Variants in PPEF2 observed in about 807,000 individuals in gnomAD.
The protein encoded by PPEF2 is serine/threonine-protein phosphatase with EF-hands 2.
A neutral mutation model predicts 84.7 loss-of-function variants in PPEF2; 84 were observed. The ratio of observed to expected loss-of-function variants is 0.99; its 90% CI spans 0.83 to 1.19. The LOEUF is 1.19. Ranked by LOEUF, PPEF2 falls within the 50% of genes most tolerant of loss-of-function variation. The pLI is 0.00. For synonymous variants in PPEF2, 346 were observed against 345.2 expected, an observed-to-expected ratio of 1.00 and a Z score of -0.03; for missense variants, 924 against 937.5, an observed-to-expected ratio of 0.99 and a Z score of 0.19.
At chr4:75,886,466 C>G (rs1048181833) in intron 7 of PPEF2, among the ~76,000 whole-genome samples, 2 of 152,316 alleles carry the variant, frequency 1.3e-5, no homozygotes, top group Admixed American at 6.5e-5. Flanking sequence ...TGACCTGCTT[C>G]TGGGTCAGGA....
At chr4:75,884,273 C>T (rs1391560899) in intron 8 of PPEF2, among the ~76,000 whole-genome samples, 2 of 151,338 alleles carry the variant, frequency 1.3e-5, no homozygotes, top group Non-Finnish European at 2.9e-5. Context: ...TCTAATAATA[C>T]AAAAATTAGC....
chr4:75,877,420 AAAGGAAGGAAAGAAGGG>A (rs1369095471), intron 10 of PPEF2, among the ~76,000 whole-genome samples: 1 of 151,728 alleles, frequency 6.6e-6, no homozygotes, highest in African/African-American at 2.4e-5. Context: ...AAAGAGAGAG[AAAGGAAGGAAAGAAGGG>A]AAGGAAGGAA....
At chr4:75,869,925 T>C (rs1219857074) in intron 13 of PPEF2, among the ~76,000 whole-genome samples, 1 of 152,218 alleles carries the variant, frequency 6.6e-6, no homozygotes, top group East Asian at 1.9e-4. Context: ...TCATCAATTA[T>C]GGCTGCTCAG....
chr4:75,882,692 T>G (rs1724608309), intron 10 of PPEF2: 1 of 412,558 alleles, frequency 2.4e-6, no homozygotes, highest in Non-Finnish European at 4.3e-6. Flanking sequence ...AGAGACAAAG[T>G]TTTGCTATGT....
In PPEF2 at chr4:75,876,398, C is replaced by G. The variant is rs370312706; in HGVS notation, c.1209G>C (p.Gln403His). The change falls in exon 11 of 17, where the codon CAG becomes CAC. Residue 403 changes from glutamine (Q) to histidine (H), a missense_variant. Transcript: ENST00000286719. ...SVELELERCR[Q>H]QAGLLVTGEK... ...CTCCGGTCACCAGGAGGCCTGCTTG[C>G]TGCCGGCACCGCTCTAGCTCCAGTT... 3.7e-5 allele frequency: 60 copies of G among 1,614,056 alleles called. No individual in the cohort carries two copies. In the African/African-American group the frequency reaches 6.8e-4, roughly 18 times the overall value.
intron 16 of PPEF2, among the ~76,000 whole-genome samples, chr4:75,861,766 C>T (rs1375617270): frequency 5.7e-5 from 8 of 139,636 alleles, no homozygotes; most frequent in African/African-American, 2.0e-4. Context: ...CCCGCCACCA[C>T]TCCCGGCTAA....
chr4:75,874,037 G>A (rs1021234551), intron 11 of PPEF2, among the ~76,000 whole-genome samples: 34 of 151,970 alleles, frequency 2.2e-4, no homozygotes, highest in Non-Finnish European at 1.2e-4. Flanking sequence ...TAACCCGGAA[G>A]AGGGAAGTTG....
intron 1 of PPEF2, among the ~76,000 whole-genome samples, chr4:75,900,564 C>T (rs1468043720): frequency 6.6e-6 from 1 of 152,136 alleles, no homozygotes; most frequent in African/African-American, 2.4e-5. Flanking sequence ...GCTCCCTGGT[C>T]TCATCTGTTT....
At chr4:75,881,924 A>G (rs1724583207) in intron 10 of PPEF2, 1 of 152,194 alleles carries the variant, frequency 6.6e-6, no homozygotes, top group Non-Finnish European at 1.5e-5. Flanking sequence ...AAGTAGACTG[A>G]TTGTTCCCTG....
At chr4:75,863,851 A>G (rs145707483) in intron 16 of PPEF2, among the ~76,000 whole-genome samples, 1 of 151,422 alleles carries the variant, frequency 6.6e-6, no homozygotes, top group African/African-American at 2.4e-5. Flanking sequence ...AATATAAAGG[A>G]TATCACATCT....
At chr4:75,883,864 T>C (rs1724645054) in intron 8 of PPEF2, among the ~76,000 whole-genome samples, 1 of 140,356 alleles carries the variant, frequency 7.1e-6, no homozygotes, top group Non-Finnish European at 1.5e-5. Context: ...ACACGGTGGC[T>C]CATGCGTGTT....
At chr4:75,861,251 A>G (rs550743055) in intron 16 of PPEF2, among the ~76,000 whole-genome samples, 5 of 152,142 alleles carry the variant, frequency 3.3e-5, no homozygotes, top group Non-Finnish European at 7.4e-5. Context: ...AATGCACAAG[A>G]TGGACCCTAA....
At chr4:75,883,132 C>T in intron 9 of PPEF2, 34 bp downstream of exon 9, 2 of 1,613,666 alleles carry the variant, frequency 1.2e-6, no homozygotes, top group Non-Finnish European at 1.7e-6. Context: ...CTTATCTGAA[C>T]TGAGAGAAAC....
Position 75,868,897 on chromosome 4 carries a change from T to C in PPEF2, c.1650-1478A>G, listed in dbSNP as rs1012607669. Among the ~76,000 whole-genome samples the C allele has an allele frequency of 4.6e-5, 7 of 152,016 alleles. 1 individual carries two copies. Among genetic ancestry groups the C allele is most frequent in the African/African-American group, 1.5e-4 (6 of 41,364 alleles). On this transcript the variant is annotated intron_variant, in intron 13 of 16. Transcript: ENST00000286719. Reference sequence around the variant, plus strand: ...GGTGGTGCATGCCTGTAATCTCAGTTACTTGGGAGACTATGGCAGGAGGAT... The same window carrying C: ...GGTGGTGCATGCCTGTAATCTCAGTCACTTGGGAGACTATGGCAGGAGGAT...
chr4:75,873,951 CA>C (rs1036473898), intron 11 of PPEF2, among the ~76,000 whole-genome samples: 2 of 151,332 alleles, frequency 1.3e-5, no homozygotes, highest in South Asian at 2.1e-4. Context: ...ACTAAAAATA[CA>C]AAAAAATGAG....
intron 16 of PPEF2, among the ~76,000 whole-genome samples, chr4:75,861,927 C>T (rs1268791046): frequency 6.7e-6 from 1 of 149,652 alleles, no homozygotes; most frequent in African/African-American, 2.4e-5. Context: ...AGTTTTATAG[C>T]TAAAAAAAGC....
At chr4:75,901,303 C>G (rs1050163263) in intron 1 of PPEF2, among the ~76,000 whole-genome samples, 1 of 152,088 alleles carries the variant, frequency 6.6e-6, no homozygotes, top group Non-Finnish European at 1.5e-5. Flanking sequence ...ATCCCCTGAG[C>G]TCAGGAGTTC....
chr4:75,860,558 A>C lies in PPEF2; in HGVS notation c.*109T>G. ...ACACAGGTGATTCTGATGCATATGG[A>C]TAGGTAAATTTTCAGCATAAAGTTT... is the stretch of plus-strand genomic sequence containing the variant. On this transcript the variant is annotated 3_prime_UTR_variant, in exon 17 of 17. Coordinates refer to ENST00000286719, the MANE Select transcript of PPEF2 (RefSeq NM_006239.3). The C allele has an allele frequency of 1.5e-6, 2 of 1,340,994 alleles. No individual in the cohort carries two copies. Among genetic ancestry groups the C allele is most frequent in the South Asian group, 1.4e-5 (1 of 72,122 alleles). 83.1% of individuals were successfully genotyped at this position (1,340,994 alleles called of 1,614,324 possible). A position where few individuals can be genotyped will look rare whatever the true frequency, so the allele number is the denominator to read the frequency against.
At chr4:75,887,713 C>T (rs1189485808) in intron 6 of PPEF2, among the ~76,000 whole-genome samples, 7 of 152,068 alleles carry the variant, frequency 4.6e-5, no homozygotes, top group Non-Finnish European at 5.9e-5. Flanking sequence ...AGTTACAATC[C>T]CTCCTGCACT....
Sources: allele counts gnomAD v4.1 joint callset (sites outside exome capture counted in the v4.1 genomes callset), GRCh38; gene constraint gnomAD v4.1.1; transcripts MANE v1.5; gene names NCBI Gene and HGNC (gene_info 2026-07-23, HGNC 2026-07-21).